The following PARD3 variants were observed in gnomAD, a reference collection of about 807,000 sequenced individuals.
The protein encoded by PARD3 is par-3 family cell polarity regulator, also known as partitioning defective 3 homolog.
Under a neutral mutation model 155.4 loss-of-function variants are expected in PARD3, and 75 were observed. That is an observed-to-expected ratio of 0.48 (90% CI 0.40 to 0.58). The LOEUF (loss-of-function observed/expected upper bound fraction) is 0.58, where lower values mean the gene tolerates loss of function less well. PARD3 is among the 20% of genes least tolerant of loss of function. PARD3 has a pLI of 0.00. For synonymous variants in PARD3, 576 were observed against 610.5 expected (o/e 0.94, Z 0.83); for missense variants, 1,642 against 1,721.7 (o/e 0.95, Z 0.82).
At chr10:34,409,085 T>A (rs1589462540) in intron 5 of PARD3, among the ~76,000 whole-genome samples, 1 of 152,126 alleles carries the variant, frequency 6.6e-6, no homozygotes, top group Admixed American at 6.6e-5. Context: ...TATTCTTATC[T>A]CAAGCTAGTA....
At chr10:34,566,018 G>A (rs2085912332) in intron 2 of PARD3, among the ~76,000 whole-genome samples, 1 of 152,194 alleles carries the variant, frequency 6.6e-6, no homozygotes, top group African/African-American at 2.4e-5. Flanking sequence ...CATCGATCCT[G>A]GAGCCACCCC....
intron 21 of PARD3, among the ~76,000 whole-genome samples, chr10:34,280,629 T>A (rs1427572937): frequency 6.6e-6 from 1 of 152,160 alleles, no homozygotes; most frequent in Non-Finnish European, 1.5e-5. Flanking sequence ...TTGCTCGCAG[T>A]TCTGGAAAAC....
chr10:34,140,658 T>G (rs920805168), intron 22 of PARD3, among the ~76,000 whole-genome samples: 2 of 152,202 alleles, frequency 1.3e-5, no homozygotes, highest in African/African-American at 4.8e-5. Flanking sequence ...ATGTATCAAT[T>G]ATCAAACTAC....
At chr10:34,158,407 G>A (rs1007472375) in intron 22 of PARD3, among the ~76,000 whole-genome samples, 1 of 152,198 alleles carries the variant, frequency 6.6e-6, no homozygotes, top group African/African-American at 2.4e-5. Flanking sequence ...GATAGCTTCT[G>A]TGTGTTTGAT....
At chr10:34,536,569 T>C (rs1033975605) in intron 2 of PARD3, among the ~76,000 whole-genome samples, 2 of 152,226 alleles carry the variant, frequency 1.3e-5, no homozygotes, top group African/African-American at 2.4e-5. Context: ...TTAAAACCTA[T>C]ATAAAGATAT....
chr10:34,270,991 T>G (rs1330423007), intron 21 of PARD3, among the ~76,000 whole-genome samples: 1 of 152,172 alleles, frequency 6.6e-6, no homozygotes, highest in East Asian at 1.9e-4. Flanking sequence ...TGGAAAAAAT[T>G]TTAAAACCCT....
chr10:34,584,806 T>A (rs1322812408), intron 2 of PARD3, among the ~76,000 whole-genome samples: 1 of 152,192 alleles, frequency 6.6e-6, no homozygotes. Context: ...CCAAGATTAC[T>A]GTTTGATATG....
intron 2 of PARD3, among the ~76,000 whole-genome samples, chr10:34,572,967 C>T (rs148653394): frequency 6.6e-6 from 1 of 152,186 alleles, no homozygotes; most frequent in Non-Finnish European, 1.5e-5. Flanking sequence ...AAGGTCTCAA[C>T]GTTGTCTACC....
intron 22 of PARD3, among the ~76,000 whole-genome samples, chr10:34,193,898 A>G (rs1003436596): frequency 2.0e-5 from 3 of 152,184 alleles, no homozygotes; most frequent in African/African-American, 7.2e-5. Context: ...CTAACATCAC[A>G]AACTACGGGG....
chr10:34,210,760 T>C (rs1196928957), intron 22 of PARD3, among the ~76,000 whole-genome samples: 2 of 152,118 alleles, frequency 1.3e-5, no homozygotes, highest in African/African-American at 4.8e-5. Context: ...TCTGGGATGA[T>C]TTCAACCATG....
chr10:34,401,396 T>C (rs1251224784), intron 6 of PARD3, among the ~76,000 whole-genome samples: 2 of 152,210 alleles, frequency 1.3e-5, no homozygotes, highest in African/African-American at 2.4e-5. Flanking sequence ...ACATGCACTA[T>C]AATAATTAAT....
chr10:34,384,700 T>A (rs1055179097), intron 7 of PARD3, among the ~76,000 whole-genome samples: 1 of 152,196 alleles, frequency 6.6e-6, no homozygotes, highest in African/African-American at 2.4e-5. Context: ...GAGGAAAAGC[T>A]AACCTCATTG....
intron 2 of PARD3, chr10:34,676,068 T>C (rs1188228747): frequency 2.0e-5 from 3 of 152,666 alleles, no homozygotes; most frequent in South Asian, 2.1e-4. Context: ...TAACGAGTGA[T>C]GCCCCATCTT....
intron 2 of PARD3, among the ~76,000 whole-genome samples, chr10:34,602,601 G>A (rs923705067): frequency 2.0e-5 from 3 of 152,148 alleles, no homozygotes; most frequent in Non-Finnish European, 4.4e-5. Context: ...GCACAAGATG[G>A]ACTACTGTTA....
At chr10:34,743,115 C>T (rs1461981863) in intron 1 of PARD3, among the ~76,000 whole-genome samples, 1 of 152,196 alleles carries the variant, frequency 6.6e-6, no homozygotes, top group Non-Finnish European at 1.5e-5. Context: ...ATCATCATCT[C>T]ATAATTATTT....
At chr10:34,254,537 CGTGTGTGTGTGTGTGTGTGTGTGT>C (rs55901749) in intron 22 of PARD3, among the ~76,000 whole-genome samples, 4 of 145,490 alleles carry the variant, frequency 2.7e-5, no homozygotes, top group Admixed American at 2.1e-4. Context: ...GGTAGGTAAA[CGTGTGTGTGTGTGTGTGTGTGTGT>C]GTGTGTGTGT....
At chr10:34,554,685 C>T (rs937725783) in intron 2 of PARD3, among the ~76,000 whole-genome samples, 1 of 152,094 alleles carries the variant, frequency 6.6e-6, no homozygotes, top group African/African-American at 2.4e-5. Context: ...GACAACTCAG[C>T]GGCCTTTCGT....
intron 23 of PARD3, among the ~76,000 whole-genome samples, chr10:34,127,521 T>C (rs530736297): frequency 6.6e-6 from 1 of 152,308 alleles, no homozygotes; most frequent in African/African-American, 2.4e-5. Context: ...CATTTTTTCT[T>C]TTCGATCTTT....
chr10:34,450,396 TGG>T lies in PARD3; in HGVS notation c.633_634del (p.Asn211LysfsTer29). ...CGAGCGAGCATTGTCTCTCTGAAAT[TGG>T]TTAGACCAGTTACTAGTATCCCGCG... On this transcript the variant is annotated frameshift_variant, in exon 5 of 25. Coordinates refer to ENST00000374788, the MANE Select transcript of PARD3 (RefSeq NM_001184785.2). LOFTEE classifies it high-confidence loss of function. The T allele has an allele frequency of 6.2e-7, 1 of 1,613,986 alleles. No homozygotes were observed. The highest frequency in any genetic ancestry group is 8.5e-7 in the Non-Finnish European group (1 of 1,179,886).
Sources: allele counts gnomAD v4.1 joint callset (sites outside exome capture counted in the v4.1 genomes callset), GRCh38; gene constraint gnomAD v4.1.1; transcripts MANE v1.5; gene names NCBI Gene and HGNC (gene_info 2026-07-23, HGNC 2026-07-21).